The following MIER1 variants were observed in gnomAD, a reference collection of about 807,000 sequenced individuals.
The protein encoded by MIER1 is MIER1 transcriptional regulator, also known as mesoderm induction early response protein 1.
In MIER1, 40 loss-of-function variants were observed where a neutral mutation model predicts 75.7. The ratio of observed to expected loss-of-function variants is 0.53; its 90% confidence interval spans 0.41 to 0.69. The LOEUF (loss-of-function observed/expected upper bound fraction) is 0.69. Ranked by LOEUF, MIER1 falls within the 30% of genes least tolerant of loss-of-function variation. MIER1 has a pLI of 0.00. For missense variants in MIER1, 574 were observed against 680.2 expected (o/e 0.84, Z 1.74); for synonymous variants, 213 against 223.4 (o/e 0.95, Z 0.42).
rs1214168413 is a variant in MIER1, at chr1:66,925,272, C to T, written c.67+177C>T. 5.1e-6 allele frequency: 5 copies of T among 984,022 alleles called. No homozygotes were observed. In the African/African-American group the frequency reaches 7.0e-5, roughly 14 times the overall value. The allele number at this position is 984,022 out of a possible 1,614,324, so 61.0% of individuals were successfully genotyped here. ...CAGAACGCGCCTGGCTTGCTCTCCG[C>T]CGGCTGCCAAAGGCGCATGCGCAGC... is the stretch of plus-strand genomic sequence containing the variant. On this transcript the variant is annotated intron_variant, in intron 1 of 13. Transcript: ENST00000401041.
chr1:66,927,425 A>G (rs1324772624), intron 2 of MIER1, among the ~76,000 whole-genome samples: 1 of 152,142 alleles, frequency 6.6e-6, no homozygotes, highest in East Asian at 1.9e-4. Context: ...TTTGGATATC[A>G]CATTAATAAA....
intron 1 of MIER1, chr1:66,925,321 C>T (rs1327574366): frequency 7.8e-5 from 77 of 985,326 alleles, no homozygotes; most frequent in Non-Finnish European, 9.2e-5. Flanking sequence ...CCATCGACTG[C>T]CTCCCAGCGC....
At chr1:66,978,154 C>T (rs1303272523) in intron 12 of MIER1, among the ~76,000 whole-genome samples, 1 of 150,952 alleles carries the variant, frequency 6.6e-6, no homozygotes, top group East Asian at 1.9e-4. Flanking sequence ...CGAGATCAAA[C>T]CACTGCACTC....
chr1:66,986,097 A>G lies in MIER1; in HGVS notation c.*1197A>G. On this transcript the variant is annotated 3_prime_UTR_variant, in exon 14 of 14. Coordinates refer to ENST00000401041, the MANE Select transcript of MIER1 (RefSeq NM_001077700.3). ...TACTTAGATATTGGCACACACAAGG[A>G]ACAACTGTTGGCAGGCAGTATCGAT... The G allele has an allele frequency of 9.2e-7, 1 of 1,083,174 alleles. No homozygotes were observed. The highest frequency in any genetic ancestry group is 1.1e-6 in the Non-Finnish European group (1 of 892,244). 67.1% of individuals were successfully genotyped at this position (1,083,174 alleles called of 1,614,324 possible).
chr1:66,967,943 G>T (rs1226819474), intron 8 of MIER1, among the ~76,000 whole-genome samples: 1 of 152,060 alleles, frequency 6.6e-6, no homozygotes, highest in Non-Finnish European at 1.5e-5. Context: ...TCAGTAAACA[G>T]GGATAATTTG....
chr1:66,979,311 T>C (rs541615800), intron 12 of MIER1, among the ~76,000 whole-genome samples: 80 of 152,340 alleles, frequency 5.3e-4, no homozygotes, highest in African/African-American at 1.9e-3. Context: ...CTAATGTGTT[T>C]AGAGAGAAAT....
chr1:66,958,222 T>C lies in MIER1; in HGVS notation c.501+2T>C, dbSNP rs759032201. ...AGTGGCTGTAGTGGGGAAAATAAAG[T>C]AAGTCTATATACATATATTTAAGAT... On this transcript the variant is annotated splice_donor_variant, in intron 5 of 13. Transcript: ENST00000401041. LOFTEE classifies it high-confidence loss of function. 6.3e-7 allele frequency: 1 copy of C among 1,593,574 alleles called. No homozygotes were observed. The highest frequency in any genetic ancestry group is 1.3e-5 in the African/African-American group (1 of 74,590).
intron 2 of MIER1, among the ~76,000 whole-genome samples, chr1:66,928,546 C>T (rs1042780746): frequency 6.6e-6 from 1 of 152,184 alleles, no homozygotes; most frequent in Non-Finnish European, 1.5e-5. Context: ...CTAATTGTGT[C>T]TGTACCCACC....
At chr1:66,981,002 GCTGA>G (rs979293837) in intron 12 of MIER1, among the ~76,000 whole-genome samples, 3 of 152,066 alleles carry the variant, frequency 2.0e-5, no homozygotes, top group African/African-American at 7.2e-5. Context: ...GCTATAGTTG[GCTGA>G]CTTTTATTCT....
chr1:66,974,434 TTG>T (rs564660246), intron 11 of MIER1, among the ~76,000 whole-genome samples: 7 of 148,452 alleles, frequency 4.7e-5, no homozygotes, highest in African/African-American at 1.8e-4. Flanking sequence ...GGTTTTTTTT[TTG>T]TTGTTGTTGT....
chr1:66,971,359 TCAA>T (rs1430189407), intron 9 of MIER1, among the ~76,000 whole-genome samples: 2 of 152,032 alleles, frequency 1.3e-5, no homozygotes, highest in Admixed American at 6.5e-5. Flanking sequence ...TATAGGAATC[TCAA>T]GAAGCCACAA....
chr1:66,971,816 A>C, intron 10 of MIER1, 80 bp downstream of exon 10: 1 of 670,776 alleles, frequency 1.5e-6, no homozygotes, highest in Admixed American at 2.8e-5. Context: ...GGTATAGCCT[A>C]AACTTAATAA....
At chr1:66,954,591 C>G (rs1411558810) in intron 4 of MIER1, among the ~76,000 whole-genome samples, 1 of 152,214 alleles carries the variant, frequency 6.6e-6, no homozygotes, top group African/African-American at 2.4e-5. Context: ...GTAATTCAAG[C>G]ATTTCCCCTC....
chr1:66,984,799 A>G lies in MIER1; in HGVS notation c.1597A>G (p.Arg533Gly). The G allele has an allele frequency of 1.2e-6, 2 of 1,614,050 alleles. No homozygotes were observed. Among genetic ancestry groups the G allele is most frequent in the Non-Finnish European group, 1.7e-6 (2 of 1,179,930 alleles). ...EKSERPAKRR[R>G]VNSNGKESPG... ...AAGTGAGAGACCTGCCAAAAGGCGA[A>G]GGGTAAACAGCAATGGAAAAGAAAG... The change falls in exon 14 of 14, where the codon AGG becomes GGG. Residue 533 changes from arginine to glycine, a missense_variant. By Grantham distance (125) the Arg-to-Gly change is moderately radical. Around this residue, in one of 3 missense-constraint regions of MIER1, gnomAD observed 164 missense variants for 154.3 expected, o/e 1.06. Coordinates refer to ENST00000401041, the MANE Select transcript of MIER1 (RefSeq NM_001077700.3).
intron 7 of MIER1, among the ~76,000 whole-genome samples, chr1:66,961,875 C>G (rs911801231): frequency 1.3e-5 from 2 of 152,138 alleles, no homozygotes; most frequent in African/African-American, 2.4e-5. Context: ...GAAAACTGAT[C>G]ATGAGAAAGA....
intron 7 of MIER1, among the ~76,000 whole-genome samples, chr1:66,961,993 G>A (rs924804594): frequency 1.3e-5 from 2 of 152,198 alleles, no homozygotes; most frequent in African/African-American, 4.8e-5. Context: ...AATAGCAGGA[G>A]AGAGACTTTC....
chr1:66,940,329 A>G (rs1057059425), intron 3 of MIER1: 6 of 187,560 alleles, frequency 3.2e-5, no homozygotes, highest in African/African-American at 1.4e-4. Context: ...GTTTTGTATT[A>G]TTGTTTGACT....
At chr1:66,925,149 G>C (rs1223037624) in intron 1 of MIER1, 54 bp downstream of exon 1, 3 of 1,537,404 alleles carry the variant, frequency 2.0e-6, no homozygotes, top group Non-Finnish European at 2.6e-6. Flanking sequence ...TTTGGGATGA[G>C]GGGCTCCTGA....
intron 1 of MIER1, 119 bp from the exon 2 acceptor site, chr1:66,926,023 C>A (rs2100978886): frequency 1.3e-5 from 9 of 690,772 alleles, no homozygotes; most frequent in Admixed American, 2.6e-5. Context: ...CTAAAATTGT[C>A]ATGGGATCCT....
Sources: allele counts gnomAD v4.1 joint callset (sites outside exome capture counted in the v4.1 genomes callset), GRCh38; gene constraint gnomAD v4.1.1; regional missense constraint gnomAD v4.1.1; transcripts MANE v1.5; gene names NCBI Gene and HGNC (gene_info 2026-07-23, HGNC 2026-07-21).